ARHGEF10L: variants seen among roughly 807,000 people sequenced by gnomAD.
ARHGEF10L encodes Rho guanine nucleotide exchange factor 10 like, also known as rho guanine nucleotide exchange factor 10-like protein.
In ARHGEF10L, 69 loss-of-function variants were observed where a neutral mutation model predicts 141.2. That is an observed-to-expected ratio of 0.49 (90% confidence interval 0.40 to 0.60). The LOEUF is 0.60. ARHGEF10L is among the 20% of genes least tolerant of loss of function. The probability of loss-of-function intolerance (pLI) is 0.00; values close to 1 mark genes in which losing one functional copy is unlikely to be tolerated. For missense variants in ARHGEF10L, 1,482 were observed against 1,734.3 expected (o/e 0.85, Z 2.58); for synonymous variants, 711 against 718.5 (o/e 0.99, Z 0.17).
At chr1:17,531,696 T>C in the ARHGEF10L span, among the ~76,000 whole-genome samples, 1 of 152,200 alleles carries the variant, frequency 6.6e-6, no homozygotes, top group Non-Finnish European at 1.5e-5. Context: ...GGAGTAGATG[T>C]TAATGAGCTC....
At chr1:17,684,327 C>T (rs1342764053) in intron 26 of ARHGEF10L, among the ~76,000 whole-genome samples, 2 of 152,204 alleles carry the variant, frequency 1.3e-5, no homozygotes, top group Admixed American at 1.3e-4. Context: ...GAAGAGAGAA[C>T]TGAAAGCCAG....
intron 22 of ARHGEF10L, among the ~76,000 whole-genome samples, chr1:17,650,504 AG>A (rs2101959534): frequency 1.3e-5 from 2 of 152,034 alleles, no homozygotes; most frequent in Admixed American, 1.3e-4. Context: ...AGGCCAAGGC[AG>A]GTGGATCACT....
the ARHGEF10L span, among the ~76,000 whole-genome samples, chr1:17,521,299 C>A: frequency 6.6e-6 from 1 of 152,308 alleles, no homozygotes; most frequent in East Asian, 1.9e-4. Context: ...CAGGCTCAAG[C>A]GATTCTCCTG....
chr1:17,520,122 C>T, the ARHGEF10L span, among the ~76,000 whole-genome samples: 2 of 152,202 alleles, frequency 1.3e-5, no homozygotes, highest in Non-Finnish European at 2.9e-5. Flanking sequence ...CTTGCCCCTC[C>T]CTTCCTCACC....
intron 21 of ARHGEF10L, among the ~76,000 whole-genome samples, chr1:17,640,977 G>A (rs2061298259): frequency 6.6e-6 from 1 of 152,134 alleles, no homozygotes; most frequent in African/African-American, 2.4e-5. Flanking sequence ...TTTCCATTGA[G>A]GATTCTGAGG....
intron 1 of ARHGEF10L, among the ~76,000 whole-genome samples, chr1:17,567,671 C>T (rs1383766031): frequency 6.6e-6 from 1 of 152,158 alleles, no homozygotes. Flanking sequence ...ACCAGCCTAG[C>T]AGAATATTTT....
chr1:17,544,732 T>C (rs2076856173), intron 1 of ARHGEF10L, among the ~76,000 whole-genome samples: 1 of 152,174 alleles, frequency 6.6e-6, no homozygotes, highest in East Asian at 1.9e-4. Context: ...TTTTTCATAC[T>C]GCTATTTTCA....
intron 26 of ARHGEF10L, among the ~76,000 whole-genome samples, chr1:17,665,639 G>A (rs969753114): frequency 2.0e-5 from 3 of 152,330 alleles, no homozygotes; most frequent in East Asian, 1.9e-4. Context: ...GTGGGAGCAC[G>A]AGGCTTCCAG....
At chr1:17,565,776 G>A (rs542754021) in intron 1 of ARHGEF10L, among the ~76,000 whole-genome samples, 35 of 152,288 alleles carry the variant, frequency 2.3e-4, no homozygotes, top group Non-Finnish European at 4.4e-4. Flanking sequence ...CGGGTACCAG[G>A]ACCGTGGCTG....
At chr1:17,674,182 C>T (rs561185240) in intron 26 of ARHGEF10L, among the ~76,000 whole-genome samples, 1 of 152,286 alleles carries the variant, frequency 6.6e-6, no homozygotes, top group South Asian at 2.1e-4. Context: ...CAAAATCTCC[C>T]CTTTTTTCCC....
chr1:17,516,903 T>C, the ARHGEF10L span, among the ~76,000 whole-genome samples: 1 of 152,314 alleles, frequency 6.6e-6, no homozygotes, highest in Non-Finnish European at 1.5e-5. Flanking sequence ...GCTCTCACAG[T>C]GGCAGAAGGC....
chr1:17,634,617 G>GGGCTCTGT (rs1394032032), intron 17 of ARHGEF10L, 55 bp downstream of exon 17: 50 of 1,603,038 alleles, frequency 3.1e-5, no homozygotes, highest in Admixed American at 6.8e-5. Flanking sequence ...TGGGGCTCTG[G>GGGCTCTGT]TGCCATGTGA....
chr1:17,588,573 C>G lies in ARHGEF10L; in HGVS notation c.257+94C>G. 4.0e-6 allele frequency: 6 copies of G among 1,506,422 alleles called. No individual in the cohort carries two copies. The South Asian group carries it at 6.8e-5, about 17-fold the overall frequency. The allele number at this position is 1,506,422 out of a possible 1,614,324, so 93.3% of individuals were successfully genotyped here. ...GGGTGGAGCTGAGGCCCAGAGGACC[C>G]GACTGGTCTTTGGCTAAGGAGGAAA... On this transcript the variant is annotated intron_variant, in intron 4 of 28. Transcript: ENST00000361221.
intron 1 of ARHGEF10L, among the ~76,000 whole-genome samples, chr1:17,566,273 T>A (rs1161867294): frequency 6.6e-6 from 1 of 152,166 alleles, no homozygotes; most frequent in Non-Finnish European, 1.5e-5. Flanking sequence ...ACCCACCAGA[T>A]GCCAGTAGTG....
chr1:17,660,822 C>A (rs111548771), intron 25 of ARHGEF10L, among the ~76,000 whole-genome samples: 1 of 152,046 alleles, frequency 6.6e-6, no homozygotes, highest in African/African-American at 2.4e-5. Flanking sequence ...AGAATATGTG[C>A]GTGCTTTCCC....
intron 1 of ARHGEF10L, among the ~76,000 whole-genome samples, chr1:17,556,503 C>T (rs185755552): frequency 7.2e-5 from 11 of 152,284 alleles, no homozygotes; most frequent in Admixed American, 2.0e-4. Context: ...AGGTACATTT[C>T]GTACCTTTTG....
chr1:17,562,731 A>G lies in ARHGEF10L; in HGVS notation c.-43-17822A>G, dbSNP rs541417911. On this transcript the variant is annotated intron_variant, in intron 1 of 28. Coordinates refer to ENST00000361221, the MANE Select transcript of ARHGEF10L (RefSeq NM_018125.4). Reference sequence around the variant, plus strand: ...TCCCTGGTTGTGAGCTGAGGCTGCCATGTTCCCATGTGTGCCCAGACCTTT... The same window carrying G: ...TCCCTGGTTGTGAGCTGAGGCTGCCGTGTTCCCATGTGTGCCCAGACCTTT... Among the ~76,000 whole-genome samples the G allele has an allele frequency of 5.3e-5, 8 of 152,314 alleles. 1 individual carries two copies. In the South Asian group the frequency reaches 1.7e-3, roughly 32 times the overall value.
Position 17,603,477 on chromosome 1 carries a change from G to A in ARHGEF10L, c.350-31G>A, listed in dbSNP as rs75764220. On this transcript the variant is annotated intron_variant, in intron 5 of 28. Transcript: ENST00000361221. This position sits in a 1 kb window ranked among gnomAD's most constrained non-coding sequence, Gnocchi z 4.8. Reference sequence around the variant, plus strand: ...TCTGGCCAGGCTGCCACAGCCCACGGTGGTGCTCTCTCTCCCCACTTCCCT... The same window carrying A: ...TCTGGCCAGGCTGCCACAGCCCACGATGGTGCTCTCTCTCCCCACTTCCCT... 6 of 1,595,004 alleles carry A rather than the reference G, an allele frequency of 3.8e-6. No individual in the cohort carries two copies. Among genetic ancestry groups the A allele is most frequent in the Non-Finnish European group, 5.1e-6 (6 of 1,165,850 alleles).
intron 1 of ARHGEF10L, among the ~76,000 whole-genome samples, chr1:17,579,932 C>T (rs572257535): frequency 4.6e-5 from 7 of 152,362 alleles, no homozygotes; most frequent in South Asian, 2.1e-4. Context: ...TGTGCCCCCA[C>T]GCTGAGCATT....
Sources: allele counts gnomAD v4.1 joint callset (sites outside exome capture counted in the v4.1 genomes callset), GRCh38; gene constraint gnomAD v4.1.1; non-coding constraint Gnocchi (gnomAD v3.1); transcripts MANE v1.5; gene names NCBI Gene and HGNC (gene_info 2026-07-23, HGNC 2026-07-21).